The following SAMMSON variants were observed in gnomAD, a reference collection of about 807,000 sequenced individuals.
The protein encoded by SAMMSON is survival associated mitochondrial melanoma specific oncogenic non-coding RNA.
chr3:70,042,137 C>T (rs1356580403), intron 3 of SAMMSON, among the ~76,000 whole-genome samples: 1 of 151,914 alleles, frequency 6.6e-6, no homozygotes, highest in East Asian at 1.9e-4. Context: ...TGCACATATC[C>T]CTCATTTGAG....
intron 9 of SAMMSON, among the ~76,000 whole-genome samples, chr3:70,380,939 A>T (rs1296871590): frequency 6.6e-6 from 1 of 152,110 alleles, no homozygotes; most frequent in Non-Finnish European, 1.5e-5. Context: ...AATCCAGTCT[A>T]TCATTGATGG....
At chr3:70,337,600 T>C (rs1004546734) in intron 7 of SAMMSON, among the ~76,000 whole-genome samples, 1 of 152,026 alleles carries the variant, frequency 6.6e-6, no homozygotes, top group African/African-American at 2.4e-5. Flanking sequence ...AGATCTTGCA[T>C]CACTTGGCAT....
At chr3:70,306,060 T>C in intron 7 of SAMMSON, among the ~76,000 whole-genome samples, 1 of 152,150 alleles carries the variant, frequency 6.6e-6, no homozygotes, top group Non-Finnish European at 1.5e-5. Flanking sequence ...ACTAAATAAG[T>C]TTAGAGGCAT....
At chr3:70,124,814 C>CAAAAAAAAAAAAAAAAAAAAAAAAA in intron 4 of SAMMSON, among the ~76,000 whole-genome samples, 1 of 53,696 alleles carries the variant, frequency 1.9e-5, no homozygotes, top group Non-Finnish European at 3.4e-5. Flanking sequence ...GACTCCATCT[C>CAAAAAAAAAAAAAAAAAAAAAAAAA]AAAAAAAAAA....
chr3:70,171,403 T>C (rs928120732), intron 4 of SAMMSON, among the ~76,000 whole-genome samples: 1 of 151,856 alleles, frequency 6.6e-6, no homozygotes, highest in Non-Finnish European at 1.5e-5. Context: ...TCCTGGAAGA[T>C]ATTGTGAATA....
chr3:70,326,464 G>C (rs1702580754), intron 7 of SAMMSON, among the ~76,000 whole-genome samples: 1 of 152,160 alleles, frequency 6.6e-6, no homozygotes, highest in Non-Finnish European at 1.5e-5. Context: ...ATATTTAAGT[G>C]TGGGCAGTTA....
At chr3:70,247,128 A>G (rs1701715103) in intron 4 of SAMMSON, among the ~76,000 whole-genome samples, 1 of 152,016 alleles carries the variant, frequency 6.6e-6, no homozygotes, top group Admixed American at 6.6e-5. Flanking sequence ...TGTTGCTTGA[A>G]TGAATTTATT....
At chr3:70,165,749 C>G (rs1262132052) in intron 4 of SAMMSON, among the ~76,000 whole-genome samples, 1 of 151,974 alleles carries the variant, frequency 6.6e-6, no homozygotes, top group African/African-American at 2.4e-5. Flanking sequence ...TCTGTCTACT[C>G]TTTTAAAGTT....
intron 3 of SAMMSON, among the ~76,000 whole-genome samples, chr3:70,024,506 G>T (rs760793383): frequency 8.5e-5 from 13 of 152,112 alleles, no homozygotes; most frequent in Non-Finnish European, 1.3e-4. Flanking sequence ...CAAGCTGTTT[G>T]CCCAAAGACA....
At chr3:70,000,011 G>T (rs1281172810) in intron 1 of SAMMSON, 1 of 152,254 alleles carries the variant, frequency 6.6e-6, no homozygotes, top group African/African-American at 2.4e-5. Flanking sequence ...TCCAAGCCAC[G>T]TGTGACCAAT....
chr3:70,285,235 G>GTGT (rs1344790120), intron 6 of SAMMSON, among the ~76,000 whole-genome samples: 2 of 121,692 alleles, frequency 1.6e-5, no homozygotes, highest in East Asian at 4.9e-4. Flanking sequence ...AGTCCCCAGA[G>GTGT]TGTGATGTTC....
At chr3:70,119,080 T>G (rs2067422669) in intron 4 of SAMMSON, among the ~76,000 whole-genome samples, 1 of 152,188 alleles carries the variant, frequency 6.6e-6, no homozygotes, top group Non-Finnish European at 1.5e-5. Context: ...TTATTATTTT[T>G]TTTGAGACGG....
chr3:70,280,068 G>C (rs951296416), intron 6 of SAMMSON, among the ~76,000 whole-genome samples: 2 of 152,156 alleles, frequency 1.3e-5, no homozygotes, highest in Non-Finnish European at 2.9e-5. Context: ...GTGTCAGCAA[G>C]GCTGCACTCC....
chr3:70,395,348 T>G (rs945483983), intron 2 of SAMMSON, among the ~76,000 whole-genome samples: 44 of 149,738 alleles, frequency 2.9e-4, no homozygotes, highest in Middle Eastern at 3.2e-3. Context: ...TTTTTTTTTT[T>G]TGTGTTGTTG....
intron 2 of SAMMSON, among the ~76,000 whole-genome samples, chr3:70,402,364 A>G (rs1364486000): frequency 6.6e-6 from 1 of 152,200 alleles, no homozygotes; most frequent in Admixed American, 6.5e-5. Flanking sequence ...ATGAATGCCT[A>G]CAATATGCAT....
intron 9 of SAMMSON, among the ~76,000 whole-genome samples, chr3:70,366,410 C>T (rs1278026930): frequency 2.0e-5 from 3 of 150,050 alleles, no homozygotes; most frequent in Admixed American, 6.7e-5. Context: ...AGCCTTTTTG[C>T]GTTGGCTTCA....
At chr3:70,054,497 T>C (rs1277939680) in intron 3 of SAMMSON, among the ~76,000 whole-genome samples, 1 of 152,160 alleles carries the variant, frequency 6.6e-6, no homozygotes, top group African/African-American at 2.4e-5. Flanking sequence ...TGTTCGGTCC[T>C]TGGTTTGACC....
chr3:70,288,258 G>T (rs1702189357), intron 6 of SAMMSON, among the ~76,000 whole-genome samples: 1 of 126,906 alleles, frequency 7.9e-6, no homozygotes, highest in Non-Finnish European at 1.6e-5. Context: ...GGTATGTTGT[G>T]TCTTTGTTCT....
At chr3:70,039,592 TTCAC>T (rs1295016556) in intron 3 of SAMMSON, among the ~76,000 whole-genome samples, 54 of 90,184 alleles carry the variant, frequency 6.0e-4, no homozygotes, top group African/African-American at 2.2e-3. Flanking sequence ...AACACATCTC[TTCAC>T]ACACACACAC....
Sources: gnomAD v4.1 joint callset for allele counts (sites outside exome capture counted in the v4.1 genomes callset) on GRCh38, gnomAD v4.1.1 for gene constraint, MANE v1.5 for transcripts, NCBI Gene and HGNC (gene_info 2026-07-23, HGNC 2026-07-21) for gene names.